The following PACS2 variants were observed in gnomAD, a reference collection of about 807,000 sequenced individuals.
PACS2 encodes the protein PACS1-like protein.
PACS2 carries 36 observed loss-of-function variants against 113.0 expected under a neutral mutation model. That is an observed-to-expected ratio of 0.32 (90% CI 0.24 to 0.42). PACS2 has a LOEUF of 0.42. Among genes scored for constraint, PACS2 ranks in the 10% least tolerant of loss-of-function variants. PACS2 has a pLI of 1.00. For synonymous variants in PACS2, 589 were observed against 536.1 expected, an observed-to-expected ratio of 1.10 and a Z score of -1.36; for missense variants, 1,015 against 1,239.5, an observed-to-expected ratio of 0.82 and a Z score of 2.72.
At chr14:105,328,694 C>G (rs2059205727) in intron 1 of PACS2, among the ~76,000 whole-genome samples, 2 of 152,302 alleles carry the variant, frequency 1.3e-5, no homozygotes, top group African/African-American at 2.4e-5. Context: ...TTTCTGCTGA[C>G]CTGAACACCC....
At position 105,368,537 on chromosome 14, in the gene PACS2, A is replaced by G. The variant is rs782484100; in HGVS notation, c.739A>G (p.Arg247Gly). 1.9e-6 allele frequency: 3 copies of G among 1,612,776 alleles called. No homozygotes were observed. The highest frequency in any genetic ancestry group is 1.7e-5 in the Admixed American group (1 of 60,018). The change falls in exon 7 of 25, where the codon AGG becomes GGG. Residue 247 changes from arginine (R) to glycine (G), a missense_variant and splice_region_variant. Coordinates refer to ENST00000447393, the MANE Select transcript of PACS2 (RefSeq NM_001100913.3). Reference sequence around the variant, plus strand: ...GATTGTAAGAACGACGTCCATGACCAGGGTTGGTGGAGACTGCTTCTATGA... The same window carrying G: ...GATTGTAAGAACGACGTCCATGACCGGGGTTGGTGGAGACTGCTTCTATGA... ...RSIVRTTSMTRQQNFKQKVVA... is the reference protein window; with the variant it reads ...RSIVRTTSMTGQQNFKQKVVA...
chr14:105,334,809 C>T (rs1317573232), intron 1 of PACS2, among the ~76,000 whole-genome samples: 2 of 152,138 alleles, frequency 1.3e-5, no homozygotes, highest in Non-Finnish European at 2.9e-5. Context: ...CAGCTCATAA[C>T]GTGCACTGCG....
chr14:105,352,297 G>A (rs894013881), intron 2 of PACS2, 81 bp from the exon 3 acceptor site: 2 of 880,910 alleles, frequency 2.3e-6, no homozygotes, highest in Non-Finnish European at 3.9e-6. Context: ...CAGTTTTAGA[G>A]TGCAGGAGTC....
chr14:105,384,469 G>T lies in PACS2; in HGVS notation c.1891+6G>T, dbSNP rs1555413058. The T allele has an allele frequency of 2.5e-6, 4 of 1,586,562 alleles. No homozygotes were observed. The highest frequency in any genetic ancestry group is 2.2e-5 in the South Asian group (2 of 90,220). ...GCTGGAGGCCCAGAGTGCGGGTGAG[G>T]CCCGGGCGCGTCCACAGCCCACGCC... On this transcript the variant is annotated splice_donor_region_variant and intron_variant, in intron 17 of 24. Transcript: ENST00000447393.
intron 1 of PACS2, among the ~76,000 whole-genome samples, chr14:105,308,022 A>G (rs1019925599): frequency 6.6e-6 from 1 of 151,708 alleles, no homozygotes; most frequent in African/African-American, 2.4e-5. Flanking sequence ...TGTCTCTACA[A>G]AAAATTTAAA....
chr14:105,345,907 G>A (rs587688753), intron 1 of PACS2, among the ~76,000 whole-genome samples: 2 of 152,278 alleles, frequency 1.3e-5, no homozygotes, highest in Non-Finnish European at 2.9e-5. Flanking sequence ...CTGGAGGAGC[G>A]CCCCCTCAGG....
At chr14:105,320,797 G>T (rs1446027436) in intron 1 of PACS2, among the ~76,000 whole-genome samples, 1 of 152,190 alleles carries the variant, frequency 6.6e-6, no homozygotes, top group Non-Finnish European at 1.5e-5. Context: ...CTGTATCGTG[G>T]TATAGCTTAT....
chr14:105,342,319 G>A (rs1344981919), intron 1 of PACS2, among the ~76,000 whole-genome samples: 2 of 152,020 alleles, frequency 1.3e-5, no homozygotes, highest in African/African-American at 2.4e-5. Flanking sequence ...CCCAGGCTGA[G>A]TGTAGTGGTG....
In PACS2 at chr14:105,391,656, G is replaced by T. The variant is rs782809204; in HGVS notation, c.2145G>T (p.Ser715=). The T allele has an allele frequency of 3.7e-6, 6 of 1,610,500 alleles. No individual in the cohort carries two copies. The African/African-American group carries it at 8.0e-5, about 21-fold the overall frequency. ...TSGDSDDAAP[S]GSGTLSSTPP... ...GCGACTCGGACGACGCGGCCCCCTCGGGCTCTGGCACGCTCTCCTCCACCC... is the reference window on the plus strand; with the variant it reads ...GCGACTCGGACGACGCGGCCCCCTCTGGCTCTGGCACGCTCTCCTCCACCC... The change falls in exon 22 of 25, where the codon TCG becomes TCT. Residue 715 remains serine (S), a synonymous_variant. Transcript: ENST00000447393.
intron 24 of PACS2, 124 bp downstream of exon 24, chr14:105,393,459 G>A (rs2081431197): frequency 1.7e-6 from 1 of 597,480 alleles, no homozygotes; most frequent in Admixed American, 3.4e-5. Flanking sequence ...CACGATTCAA[G>A]GTGCAAGCAC....
Position 105,353,647 on chromosome 14 carries a change from A to G in PACS2, c.297+1180A>G, listed in dbSNP as rs761497598. On this transcript the variant is annotated intron_variant, in intron 3 of 24. Transcript: ENST00000447393. ...GAGATGGAGTCTCTCCTTGTCACCCAGGCTGGTGCAGTCTTGGCTCACTGC... is the reference window on the plus strand; with the variant it reads ...GAGATGGAGTCTCTCCTTGTCACCCGGGCTGGTGCAGTCTTGGCTCACTGC... Among the ~76,000 whole-genome samples, 3 of 152,076 alleles carry G rather than the reference A, an allele frequency of 2.0e-5. No homozygotes were observed. The South Asian group carries it at 6.2e-4, about 32-fold the overall frequency.
At chr14:105,364,314 G>T (rs2060847880) in intron 4 of PACS2, among the ~76,000 whole-genome samples, 1 of 139,474 alleles carries the variant, frequency 7.2e-6, no homozygotes, top group African/African-American at 2.7e-5. Flanking sequence ...GGGCGTCCCG[G>T]GTGCGCGGTG....
chr14:105,351,332 C>A (rs1353614996), intron 2 of PACS2, among the ~76,000 whole-genome samples: 1 of 152,210 alleles, frequency 6.6e-6, no homozygotes, highest in African/African-American at 2.4e-5. Flanking sequence ...GCAAATGACT[C>A]GTTATCCATT....
chr14:105,385,748 G>A (rs1384608753), intron 19 of PACS2, 31 bp downstream of exon 19: 1 of 1,434,118 alleles, frequency 7.0e-7, no homozygotes, highest in African/African-American at 1.4e-5. Flanking sequence ...CTCCCACCCT[G>A]TCTGTCCCCA....
At chr14:105,332,835 C>G (rs587737742) in intron 1 of PACS2, among the ~76,000 whole-genome samples, 1 of 152,314 alleles carries the variant, frequency 6.6e-6, no homozygotes, top group South Asian at 2.1e-4. Context: ...AGGGGAGCAG[C>G]CTTGATTCCT....
chr14:105,358,287 T>A lies in PACS2; in HGVS notation c.423+3110T>A, dbSNP rs1191752639. Among the ~76,000 whole-genome samples, 1 of 152,184 alleles carries A rather than the reference T, an allele frequency of 6.6e-6. No individual in the cohort carries two copies. Among genetic ancestry groups the A allele is most frequent in the African/African-American group, 2.4e-5 (1 of 41,448 alleles). Reference sequence around the variant, plus strand: ...TTAGGTCTGCAGGCTGACCAGCAGTTCTGGCTGGGACCATCAGGAGTGACC... The same window carrying A: ...TTAGGTCTGCAGGCTGACCAGCAGTACTGGCTGGGACCATCAGGAGTGACC... On this transcript the variant is annotated intron_variant, in intron 4 of 24. Transcript: ENST00000447393. The surrounding 1 kb of genome is among the most constrained non-coding windows in gnomAD (Gnocchi z 4.9).
rs587687831 is a variant in PACS2 at position 105,384,913 on chromosome 14, G to A, written c.1926G>A (p.Thr642=). ...QDTPDIVSRI[T]QYIAGANCAH... The stretch of plus-strand genomic sequence containing the variant: ...CGCCAGACATTGTGTCACGCATCAC[G>A]CAGTACATCGCAGGGGCCAACTGTG... Residue 642 remains threonine (T), a synonymous_variant, in exon 18 of 25, where the codon ACG becomes ACA. Transcript: ENST00000447393. The A allele has an allele frequency of 2.1e-5, 34 of 1,599,230 alleles. No homozygotes were observed. The highest frequency in any genetic ancestry group is 2.3e-5 in the East Asian group (1 of 44,278).
At chr14:105,349,826 A>G (rs1351824664) in intron 2 of PACS2, among the ~76,000 whole-genome samples, 4 of 144,078 alleles carry the variant, frequency 2.8e-5, no homozygotes, top group Non-Finnish European at 1.5e-5. Context: ...GGACCCCAAG[A>G]ACTTCCAGGA....
rs192866660 is a variant in PACS2 at position 105,396,309 on chromosome 14, G to A, written c.*1637G>A. 6.6e-6 allele frequency: 1 copy of A among 152,396 alleles called. No homozygotes were observed. The highest frequency in any genetic ancestry group is 1.9e-4 in the East Asian group (1 of 5,146). The allele number at this position is 152,396 out of a possible 1,614,324, so 9.4% of individuals were successfully genotyped here. ...GCCTGGGGCACACCCCAGGGTGGGGGAGAGGGTAGGAAGGTCTCCCATTGA... is the reference window on the plus strand; with the variant it reads ...GCCTGGGGCACACCCCAGGGTGGGGAAGAGGGTAGGAAGGTCTCCCATTGA... On this transcript the variant is annotated 3_prime_UTR_variant, in exon 25 of 25. Transcript: ENST00000447393.
Sources: gnomAD v4.1 joint callset for allele counts (sites outside exome capture counted in the v4.1 genomes callset) on GRCh38, gnomAD v4.1.1 for gene constraint, Gnocchi (gnomAD v3.1) non-coding constraint, MANE v1.5 for transcripts, NCBI Gene and HGNC (gene_info 2026-07-23, HGNC 2026-07-21) for gene names.